TENM1: variants seen among roughly 807,000 people sequenced by gnomAD.
The protein encoded by TENM1 is teneurin transmembrane protein 1, also known as teneurin-1.
In TENM1, 35 loss-of-function variants were observed where a neutral mutation model predicts 174.8. That is an observed-to-expected ratio of 0.20 (90% confidence interval 0.15 to 0.27). TENM1 has a LOEUF of 0.27. TENM1 is among the 10% of genes least tolerant of loss of function. The pLI is 1.00. For missense variants in TENM1, 1,633 were observed against 2,130.1 expected (o/e 0.77, Z 4.59); for synonymous variants, 781 against 798.7 (o/e 0.98, Z 0.37).
intron 1 of TENM1, among the ~76,000 whole-genome samples, chrX:124,954,140 A>G (rs889969862): frequency 1.8e-5 from 2 of 112,272 alleles, no homozygotes; most frequent in Admixed American, 1.9e-4. Context: ...AAGTTAATTT[A>G]AGAATATATA....
chrX:124,536,021 T>C (rs1344799735), intron 15 of TENM1, among the ~76,000 whole-genome samples: 1 of 111,845 alleles, frequency 8.9e-6, no homozygotes, highest in East Asian at 2.8e-4. Flanking sequence ...ATCGGGAAGA[T>C]GAAATGATTA....
chrX:124,853,077 T>A (rs1044509339), intron 3 of TENM1, among the ~76,000 whole-genome samples: 6 of 111,964 alleles, frequency 5.4e-5, no homozygotes, highest in Non-Finnish European at 5.7e-5. Flanking sequence ...TTTTAGTTGA[T>A]AAGAATTCAG....
At position 124,544,965 on chromosome X, in the gene TENM1, G is replaced by T. The variant is rs2843515; in HGVS notation, c.2651+1909C>A. On this transcript the variant is annotated intron_variant, in intron 15 of 31. Coordinates refer to ENST00000422452, the Ensembl canonical transcript of TENM1. ...TAAAAAGTACTATATAGATGTAAGA[G>T]ACTGTAGCTATTATGATTTATATAT... is the stretch of plus-strand genomic sequence containing the variant. Among the ~76,000 whole-genome samples the T allele has an allele frequency of 1.4e-4, 16 of 112,267 alleles. No homozygotes were observed. The East Asian group carries it at 3.9e-3, about 28-fold the overall frequency.
rs139486546 is a variant in TENM1, at chrX:124,894,310, G to T, written c.521C>A (p.Ala174Asp). 138 of 1,199,330 alleles carry T rather than the reference G, an allele frequency of 1.2e-4. No homozygotes were observed. The African/African-American group carries it at 2.4e-3, about 20-fold the overall frequency. ...AAAACACTTGCCTTGAGTAGACCCA[G>T]CTTGAGCCTCCATGTCACAACAAAC... The change falls in exon 3 of 32, where the codon GCT becomes GAT. Residue 174 changes from alanine to aspartate, a missense_variant. Ala to Asp is a moderately radical substitution (Grantham distance 126, BLOSUM62 -2). Transcript: ENST00000422452.
At chrX:125,116,616 A>C in the TENM1 span, among the ~76,000 whole-genome samples, 1 of 112,714 alleles carries the variant, frequency 8.9e-6, no homozygotes, top group African/African-American at 3.2e-5. Flanking sequence ...TTATGTGGCC[A>C]ACAAACATAT....
In TENM1 at chrX:124,718,631, T is replaced by C. The variant is rs1157193481; in HGVS notation, c.777-13380A>G. Reference sequence around the variant, plus strand: ...TAAATGGATGTAGTTTAATGGTTTCTATCCCAAACTATAAACTGGAGAATT... The same window carrying C: ...TAAATGGATGTAGTTTAATGGTTTCCATCCCAAACTATAAACTGGAGAATT... On this transcript the variant is annotated intron_variant, in intron 4 of 31. Coordinates refer to ENST00000422452, the Ensembl canonical transcript of TENM1. 3.6e-5 allele frequency among the ~76,000 whole-genome samples: 4 copies of C among 112,042 alleles called. No homozygotes were observed. The East Asian group carries it at 1.1e-3, about 31-fold the overall frequency.
chrX:124,669,420 C>T (rs779481365), intron 6 of TENM1, among the ~76,000 whole-genome samples: 3 of 111,518 alleles, frequency 2.7e-5, no homozygotes, highest in African/African-American at 9.8e-5. Context: ...CATACAGTAT[C>T]AGGACAAGCT....
chrX:125,014,378 A>G, the TENM1 span, among the ~76,000 whole-genome samples: 1 of 112,862 alleles, frequency 8.9e-6, no homozygotes, highest in African/African-American at 3.2e-5. Flanking sequence ...TTACGCAGAA[A>G]AAGTCCAAAT....
chrX:124,497,078 G>T, exon 20 of TENM1: 1 of 1,208,959 alleles, frequency 8.3e-7, no homozygotes, highest in East Asian at 3.0e-5. Flanking sequence ...AATTGAAGTC[G>T]CCAACATACA....
At chrX:124,485,677 AC>A (rs1320098015) in intron 21 of TENM1, among the ~76,000 whole-genome samples, 1 of 111,582 alleles carries the variant, frequency 9.0e-6, no homozygotes, top group African/African-American at 3.3e-5. Context: ...ATTATTGAAT[AC>A]CCCCAGTGTG....
At chrX:124,543,033 A>G (rs2048354703) in intron 15 of TENM1, among the ~76,000 whole-genome samples, 1 of 112,403 alleles carries the variant, frequency 8.9e-6, no homozygotes, top group Admixed American at 9.4e-5. Flanking sequence ...CAGAAACTGT[A>G]TAGACCAGAA....
intron 1 of TENM1, among the ~76,000 whole-genome samples, chrX:124,946,619 T>C (rs1039413598): frequency 2.7e-5 from 3 of 111,511 alleles, no homozygotes; most frequent in Admixed American, 9.5e-5. Context: ...TGATCAGCGG[T>C]GTCAAATGCT....
At chrX:124,522,537 T>C (rs746542249) in intron 17 of TENM1, among the ~76,000 whole-genome samples, 79 of 104,699 alleles carry the variant, frequency 7.5e-4, no homozygotes, top group Non-Finnish European at 1.4e-3. Flanking sequence ...ACTATAAAGC[T>C]TGAACACTCA....
In TENM1 at chrX:124,737,149, G is replaced by T; in HGVS notation, c.584C>A (p.Pro195Gln). Reference sequence around the variant, plus strand: ...GCAGGCATGAGGAGGCGGAGGTGGCGGTGGGAGGGGTCTGAAGGTGAACTG... The same window carrying T: ...GCAGGCATGAGGAGGCGGAGGTGGCTGTGGGAGGGGTCTGAAGGTGAACTG... Residue 195 changes from proline to glutamine, a missense_variant, in exon 4 of 32, where the codon CCG becomes CAG. By Grantham distance (76) the Pro-to-Gln change is moderately conservative (BLOSUM62 -1). Coordinates refer to ENST00000422452, the Ensembl canonical transcript of TENM1. 2.5e-6 allele frequency: 3 copies of T among 1,209,299 alleles called. No individual in the cohort carries two copies. The highest frequency in any genetic ancestry group is 1.8e-5 in the South Asian group (1 of 56,614).
chrX:124,602,932 A>G (rs2148284151), intron 11 of TENM1, among the ~76,000 whole-genome samples: 1 of 111,637 alleles, frequency 9.0e-6, no homozygotes, highest in East Asian at 2.8e-4. Context: ...GAATCTTAAG[A>G]TTAGATCAGC....
intron 25 of TENM1, among the ~76,000 whole-genome samples, chrX:124,416,135 A>T (rs1310464200): frequency 9.0e-6 from 1 of 111,326 alleles, no homozygotes; most frequent in Non-Finnish European, 1.9e-5. Flanking sequence ...ACCATTCTAA[A>T]TTGTACAATC....
At chrX:125,015,830 A>G in the TENM1 span, among the ~76,000 whole-genome samples, 7 of 111,796 alleles carry the variant, frequency 6.3e-5, no homozygotes, top group African/African-American at 2.3e-4. Context: ...GCAACCACAT[A>G]GAATTATTTA....
intron 11 of TENM1, among the ~76,000 whole-genome samples, chrX:124,575,240 C>G (rs765016734): frequency 1.8e-5 from 2 of 111,937 alleles, no homozygotes; most frequent in South Asian, 7.4e-4. Context: ...ATAAGTATCA[C>G]GTTTTCTATG....
intron 18 of TENM1, among the ~76,000 whole-genome samples, chrX:124,512,758 T>C (rs1448489159): frequency 8.9e-6 from 1 of 112,039 alleles, no homozygotes; most frequent in African/African-American, 3.2e-5. Context: ...TCTCTTGTGA[T>C]ATTCTAGCCC....
Sources: gnomAD v4.1 joint callset for allele counts (sites outside exome capture counted in the v4.1 genomes callset) on GRCh38, gnomAD v4.1.1 for gene constraint, MANE v1.5 for transcripts, NCBI Gene and HGNC (gene_info 2026-07-23, HGNC 2026-07-21) for gene names.